NMBR: variants seen among roughly 807,000 people sequenced by gnomAD.
NMBR encodes neuromedin B receptor, also known as neuromedin-B receptor.
Under a neutral mutation model 20.5 loss-of-function variants are expected in NMBR, and 16 were observed. The observed-to-expected ratio is 0.78, with a 90% CI of 0.53 to 1.19. The LOEUF (loss-of-function observed/expected upper bound fraction) is 1.19. NMBR is among the 50% of genes most tolerant of loss of function. The pLI, the probability that NMBR is intolerant of heterozygous loss-of-function variation, is 0.00. For synonymous variants in NMBR, 212 were observed against 196.6 expected (o/e 1.08, Z -0.65); for missense variants, 582 against 499.1 (o/e 1.17, Z -1.58).
chr6:142,131,531 C>A lies in NMBR; in HGVS notation c.-664+15513G>T, dbSNP rs545201105. Among the ~76,000 whole-genome samples the A allele has an allele frequency of 3.2e-4, 48 of 152,300 alleles. 1 individual carries two copies. Among genetic ancestry groups the A allele is most frequent in the Admixed American group, 2.8e-3 (43 of 15,296 alleles). ...AGCATGCAAGAAACACAGGTTGTCA[C>A]TCCAATATACACCCTTACCAATTGC... On this transcript the variant is annotated intron_variant, in intron 1 of 3. Coordinates refer to ENST00000258042, the MANE Select transcript of NMBR (RefSeq NM_002511.4).
chr6:142,091,726 T>A (rs1426809398), intron 1 of NMBR, among the ~76,000 whole-genome samples: 1 of 152,206 alleles, frequency 6.6e-6, no homozygotes, highest in African/African-American at 2.4e-5. Flanking sequence ...CAGTGTCTGT[T>A]ATGTCTCTTT....
chr6:142,141,755 G>A (rs2114615771), intron 1 of NMBR, among the ~76,000 whole-genome samples: 1 of 152,096 alleles, frequency 6.6e-6, no homozygotes, highest in Admixed American at 6.6e-5. Flanking sequence ...CACCGGCCTC[G>A]GCCTCCCAAA....
intron 3 of NMBR, among the ~76,000 whole-genome samples, chr6:142,076,646 T>C (rs576032361): frequency 6.6e-6 from 1 of 152,308 alleles, no homozygotes; most frequent in South Asian, 2.1e-4. Flanking sequence ...CTCCATAAAA[T>C]TTACATATTA....
chr6:142,087,808 A>G (rs1370320262), intron 2 of NMBR, among the ~76,000 whole-genome samples: 2 of 152,202 alleles, frequency 1.3e-5, no homozygotes, highest in African/African-American at 2.4e-5. Context: ...TTTGCCTAAT[A>G]TTAAGCAGAC....
chr6:142,097,553 C>A (rs1437549624), intron 1 of NMBR, among the ~76,000 whole-genome samples: 1 of 152,040 alleles, frequency 6.6e-6, no homozygotes, highest in Non-Finnish European at 1.5e-5. Context: ...TCCTGATAAA[C>A]CCATTGTTAA....
At chr6:142,129,806 C>T (rs865983661) in intron 1 of NMBR, among the ~76,000 whole-genome samples, 10 of 152,042 alleles carry the variant, frequency 6.6e-5, no homozygotes, top group East Asian at 1.9e-4. Context: ...AAATGTTCTC[C>T]GAATCCTTTC....
intron 1 of NMBR, chr6:142,134,685 G>A (rs547675373): frequency 3.5e-5 from 24 of 695,436 alleles, no homozygotes; most frequent in Admixed American, 1.9e-4. Context: ...TTAGTCTAGC[G>A]GCAATAGCAT....
intron 2 of NMBR, among the ~76,000 whole-genome samples, chr6:142,083,226 A>G (rs1777133310): frequency 6.6e-6 from 1 of 152,192 alleles, no homozygotes. Context: ...CAAATTAAAA[A>G]CTAATAAATT....
chr6:142,085,882 A>G (rs1279053884), intron 2 of NMBR, among the ~76,000 whole-genome samples: 3 of 152,308 alleles, frequency 2.0e-5, no homozygotes, highest in South Asian at 2.1e-4. Flanking sequence ...CTCTAATAAC[A>G]TAATTTTTAT....
At chr6:142,145,907 G>T (rs185621743) in intron 1 of NMBR, among the ~76,000 whole-genome samples, 1 of 152,194 alleles carries the variant, frequency 6.6e-6, no homozygotes, top group Non-Finnish European at 1.5e-5. Context: ...GGGCAGCTGC[G>T]GTTGAGAATC....
chr6:142,129,574 A>T (rs1047146199), intron 1 of NMBR, among the ~76,000 whole-genome samples: 3 of 152,070 alleles, frequency 2.0e-5, no homozygotes, highest in African/African-American at 7.2e-5. Flanking sequence ...TTCCAAGTAG[A>T]GACAGAGAGA....
intron 3 of NMBR, among the ~76,000 whole-genome samples, chr6:142,076,896 C>G (rs1776960767): frequency 6.6e-6 from 1 of 152,116 alleles, no homozygotes; most frequent in South Asian, 2.1e-4. Flanking sequence ...TACTGGTCGT[C>G]AACTAGAATA....
chr6:142,124,002 G>A (rs183562425), intron 1 of NMBR, among the ~76,000 whole-genome samples: 4 of 151,912 alleles, frequency 2.6e-5, no homozygotes, highest in Admixed American at 2.0e-4. Context: ...TAATGAGAAC[G>A]AAGATGGAAA....
At chr6:142,126,660 T>C (rs1778043618) in intron 1 of NMBR, among the ~76,000 whole-genome samples, 1 of 151,798 alleles carries the variant, frequency 6.6e-6, no homozygotes. Flanking sequence ...ATAAGCGATG[T>C]TGAGCACTTT....
chr6:142,091,580 C>T (rs1422432147), intron 1 of NMBR, among the ~76,000 whole-genome samples: 1 of 152,084 alleles, frequency 6.6e-6, no homozygotes, highest in Non-Finnish European at 1.5e-5. Context: ...GTTTCTTAGA[C>T]TCATATACTT....
At chr6:142,096,895 G>C (rs7749403) in intron 1 of NMBR, among the ~76,000 whole-genome samples, 96,289 of 150,126 alleles carry the variant, frequency 0.64, 32,763 homozygotes, top group East Asian at 0.87. Flanking sequence ...GTTAGCTCTT[G>C]TTGTTGAATT....
chr6:142,123,403 A>T (rs914188023), intron 1 of NMBR, among the ~76,000 whole-genome samples: 1 of 152,018 alleles, frequency 6.6e-6, no homozygotes, highest in Admixed American at 6.6e-5. Context: ...TGTTGAAATA[A>T]CAACAAAGGA....
intron 1 of NMBR, among the ~76,000 whole-genome samples, chr6:142,117,985 C>G (rs560468861): frequency 6.6e-6 from 1 of 151,768 alleles, no homozygotes; most frequent in Non-Finnish European, 1.5e-5. Flanking sequence ...TAGTATTAAA[C>G]CTGGGCTTTC....
At chr6:142,113,035 A>G (rs552628869) in intron 1 of NMBR, among the ~76,000 whole-genome samples, 1 of 152,246 alleles carries the variant, frequency 6.6e-6, no homozygotes, top group Non-Finnish European at 1.5e-5. Context: ...TTATTCCATA[A>G]TGCAATAGCA....
Sources: allele counts gnomAD v4.1 joint callset (sites outside exome capture counted in the v4.1 genomes callset), GRCh38; gene constraint gnomAD v4.1.1; transcripts MANE v1.5; gene names NCBI Gene and HGNC (gene_info 2026-07-23, HGNC 2026-07-21).